TMX4: variants seen among roughly 807,000 people sequenced by gnomAD.
The protein encoded by TMX4 is thioredoxin-related transmembrane protein 4.
A neutral mutation model predicts 33.3 loss-of-function variants in TMX4; 23 were observed. The observed-to-expected ratio is 0.69, with a 90% CI of 0.50 to 0.98. The LOEUF is 0.98. TMX4 is among the 50% of genes least tolerant of loss of function. TMX4 has a pLI of 0.00. For synonymous variants in TMX4, 164 were observed against 161.5 expected (o/e 1.02, Z -0.12); for missense variants, 399 against 448.9 (o/e 0.89, Z 1.01).
chr20:8,010,087 G>T, intron 2 of TMX4, 113 bp downstream of exon 2: 1 of 728,718 alleles, frequency 1.4e-6, no homozygotes, highest in Non-Finnish European at 2.3e-6. Context: ...CTTAAAGGTG[G>T]CCAGTTCATG....
At chr20:8,011,677 A>G (rs4142416) in intron 1 of TMX4, among the ~76,000 whole-genome samples, 53,411 of 151,904 alleles carry the variant, frequency 0.35, 10,945 homozygotes, top group East Asian at 0.84. Flanking sequence ...AAGAGAATGG[A>G]CTACCCAAAG....
intron 5 of TMX4, among the ~76,000 whole-genome samples, chr20:7,988,821 G>A (rs918324788): frequency 6.6e-5 from 10 of 151,994 alleles, no homozygotes; most frequent in East Asian, 5.8e-4. Flanking sequence ...TCAGGAGTTC[G>A]AGACCAGCCT....
At chr20:7,987,961 C>A (rs2050637854) in intron 5 of TMX4, among the ~76,000 whole-genome samples, 1 of 152,104 alleles carries the variant, frequency 6.6e-6, no homozygotes, top group Admixed American at 6.5e-5. Flanking sequence ...GAGATTCCAG[C>A]AGTCTTTGAA....
chr20:8,010,802 C>T (rs1249684306), intron 1 of TMX4, among the ~76,000 whole-genome samples: 1 of 152,152 alleles, frequency 6.6e-6, no homozygotes, highest in African/African-American at 2.4e-5. Context: ...TAATTCTGAA[C>T]ATTCTGAAAA....
chr20:7,996,223 TC>T, intron 4 of TMX4, 152 bp from the exon 5 acceptor site: 1 of 605,212 alleles, frequency 1.7e-6, no homozygotes, highest in Middle Eastern at 2.6e-4. Context: ...GAGCTTAGAT[TC>T]AGTGGCTATC....
At chr20:8,018,414 G>C (rs1481561101) in intron 1 of TMX4, among the ~76,000 whole-genome samples, 1 of 66,068 alleles carries the variant, frequency 1.5e-5, no homozygotes, top group Non-Finnish European at 2.8e-5. Flanking sequence ...GGGAGAGAGA[G>C]AGAGAGAGAA....
intron 2 of TMX4, among the ~76,000 whole-genome samples, chr20:8,006,264 T>G (rs568087776): frequency 1.0e-3 from 158 of 152,370 alleles, no homozygotes; most frequent in African/African-American, 3.6e-3. Flanking sequence ...TTGATAAATC[T>G]GAAATCTTAC....
intron 5 of TMX4, among the ~76,000 whole-genome samples, chr20:7,995,414 A>C (rs2050671872): frequency 2.0e-5 from 3 of 152,238 alleles, no homozygotes; most frequent in Admixed American, 2.0e-4. Context: ...CCTGAATAAC[A>C]GTTCTAACCC....
intron 1 of TMX4, chr20:8,013,737 G>C (rs554298856): frequency 6.6e-6 from 1 of 152,256 alleles, no homozygotes; most frequent in African/African-American, 2.4e-5. Context: ...TCCTAGAAAG[G>C]AAATTTTATT....
Position 7,990,200 on chromosome 20 carries a change from C to T in TMX4, c.514-2811G>A, listed in dbSNP as rs2050648350. Reference sequence around the variant, plus strand: ...GTCCCAGCTATTTGGGAGACTGGGGCAGGAGAATTGCTTGAACACGGTAGG... The same window carrying T: ...GTCCCAGCTATTTGGGAGACTGGGGTAGGAGAATTGCTTGAACACGGTAGG... On this transcript the variant is annotated intron_variant, in intron 5 of 7. Transcript: ENST00000246024. Among the ~76,000 whole-genome samples the T allele has an allele frequency of 3.3e-5, 5 of 151,722 alleles. No individual in the cohort carries two copies. In the South Asian group the frequency reaches 1.0e-3, roughly 32 times the overall value.
intron 2 of TMX4, among the ~76,000 whole-genome samples, chr20:8,001,951 T>G (rs1440105660): frequency 1.3e-5 from 2 of 152,182 alleles, no homozygotes; most frequent in Non-Finnish European, 2.9e-5. Context: ...GTTATTAGGC[T>G]TAGCATGGTG....
intron 1 of TMX4, among the ~76,000 whole-genome samples, chr20:8,016,994 A>T (rs556330910): frequency 6.6e-6 from 1 of 152,330 alleles, no homozygotes; most frequent in African/African-American, 2.4e-5. Flanking sequence ...TACATAAAAA[A>T]AAAAATCTGG....
chr20:7,988,177 TA>T (rs2050638709), intron 5 of TMX4, among the ~76,000 whole-genome samples: 1 of 152,218 alleles, frequency 6.6e-6, no homozygotes, highest in African/African-American at 2.4e-5. Context: ...CACAATCACT[TA>T]GTCATTTGTT....
chr20:8,017,071 T>C (rs187633434), intron 1 of TMX4, among the ~76,000 whole-genome samples: 6 of 152,248 alleles, frequency 3.9e-5, no homozygotes, highest in Admixed American at 3.9e-4. Flanking sequence ...ATGGAGGATA[T>C]AATGAATTTT....
chr20:8,016,724 GA>G (rs2050777113), intron 1 of TMX4, among the ~76,000 whole-genome samples: 1 of 152,096 alleles, frequency 6.6e-6, no homozygotes, highest in Non-Finnish European at 1.5e-5. Flanking sequence ...AAAATTCCCA[GA>G]TGAAAGAGCG....
intron 1 of TMX4, 153 bp downstream of exon 1, chr20:8,019,285 C>T: frequency 1.1e-6 from 1 of 923,822 alleles, no homozygotes; most frequent in Non-Finnish European, 1.5e-6. Context: ...TCGCAAGCGG[C>T]CCGGCACCGG....
At chr20:8,005,995 G>A (rs1224280220) in intron 2 of TMX4, among the ~76,000 whole-genome samples, 1 of 147,048 alleles carries the variant, frequency 6.8e-6, no homozygotes, top group Non-Finnish European at 1.5e-5. Context: ...CTCTGTCCCT[G>A]TGATAAGGCA....
chr20:7,987,528 T>C (rs555032401), intron 5 of TMX4, 139 bp from the exon 6 acceptor site: 158 of 551,184 alleles, frequency 2.9e-4, no homozygotes, highest in Non-Finnish European at 4.3e-4. Context: ...AAAGAACAAG[T>C]CAATTTTATA....
chr20:7,995,516 C>T (rs2050672390), intron 5 of TMX4, among the ~76,000 whole-genome samples: 1 of 152,132 alleles, frequency 6.6e-6, no homozygotes, highest in Non-Finnish European at 1.5e-5. Flanking sequence ...TTGTGAACCA[C>T]AATTCTCTGT....
Sources: allele counts gnomAD v4.1 joint callset (sites outside exome capture counted in the v4.1 genomes callset), GRCh38; gene constraint gnomAD v4.1.1; transcripts MANE v1.5; gene names NCBI Gene and HGNC (gene_info 2026-07-23, HGNC 2026-07-21).